ERC2: variants seen among roughly 807,000 people sequenced by gnomAD.
The protein encoded by ERC2 is ERC protein 2.
A neutral mutation model predicts 114.8 loss-of-function variants in ERC2; 42 were observed. The observed-to-expected ratio is 0.37, with a 90% confidence interval of 0.29 to 0.47. ERC2 has a LOEUF of 0.47. Ranked by LOEUF, ERC2 falls within the 20% of genes least tolerant of loss-of-function variation. ERC2 has a pLI of 0.99. For missense variants in ERC2, 939 were observed against 1,150.7 expected (o/e 0.82, Z 2.66); for synonymous variants, 454 against 425.5 (o/e 1.07, Z -0.82).
At chr3:55,606,330 C>T (rs2148546543) in intron 17 of ERC2, among the ~76,000 whole-genome samples, 1 of 152,268 alleles carries the variant, frequency 6.6e-6, no homozygotes, top group Admixed American at 6.5e-5. Flanking sequence ...CTCTGGATCT[C>T]ATGGTCTAAG....
At chr3:55,794,308 T>C (rs890960897) in intron 14 of ERC2, among the ~76,000 whole-genome samples, 7 of 152,226 alleles carry the variant, frequency 4.6e-5, no homozygotes, top group Admixed American at 3.9e-4. Flanking sequence ...TTTTATCCTG[T>C]TTCCCTTTTT....
intron 14 of ERC2, among the ~76,000 whole-genome samples, chr3:55,831,411 G>GGGAAGGGAA (rs2060575779): frequency 1.1e-5 from 1 of 89,584 alleles, no homozygotes; most frequent in East Asian, 4.2e-4. Flanking sequence ...GGGGAGGGAA[G>GGGAAGGGAA]GGGAGGGGAA....
chr3:55,718,002 C>G (rs1353031581), intron 15 of ERC2, among the ~76,000 whole-genome samples: 2 of 152,112 alleles, frequency 1.3e-5, no homozygotes, highest in South Asian at 4.2e-4. Flanking sequence ...AAGGAGATGT[C>G]GGGATAATTT....
intron 8 of ERC2, among the ~76,000 whole-genome samples, chr3:56,015,790 TCCAC>T (rs1252778286): frequency 6.6e-6 from 1 of 152,198 alleles, no homozygotes; most frequent in Non-Finnish European, 1.5e-5. Context: ...CACACTGTCT[TCCAC>T]AATGGTTGAA....
intron 2 of ERC2, among the ~76,000 whole-genome samples, chr3:56,382,457 T>G (rs568397599): frequency 5.9e-5 from 9 of 152,232 alleles, no homozygotes; most frequent in Admixed American, 2.6e-4. Flanking sequence ...AGAATCAAAC[T>G]TTCCCCCCAC....
chr3:56,257,959 T>C (rs1576125062), intron 3 of ERC2, among the ~76,000 whole-genome samples: 1 of 152,238 alleles, frequency 6.6e-6, no homozygotes, highest in Non-Finnish European at 1.5e-5. Flanking sequence ...CTTCTCTCTC[T>C]TCTGAATGCG....
intron 3 of ERC2, among the ~76,000 whole-genome samples, chr3:56,291,696 C>T (rs975259687): frequency 1.3e-5 from 2 of 152,104 alleles, no homozygotes; most frequent in African/African-American, 2.4e-5. Context: ...GAACCTAAAA[C>T]CTCAAGTACA....
intron 10 of ERC2, among the ~76,000 whole-genome samples, chr3:55,995,195 T>G (rs1005538694): frequency 6.6e-6 from 1 of 152,234 alleles, no homozygotes; most frequent in Non-Finnish European, 1.5e-5. Flanking sequence ...TAACTGGGCA[T>G]TGAGGCACAC....
chr3:55,601,677 A>G (rs572105346), intron 17 of ERC2, among the ~76,000 whole-genome samples: 16 of 152,272 alleles, frequency 1.1e-4, no homozygotes, highest in African/African-American at 3.6e-4. Context: ...AAGGATAAAG[A>G]GCCGGGGAGC....
chr3:55,917,546 A>G (rs1157935741), intron 13 of ERC2, among the ~76,000 whole-genome samples: 1 of 152,198 alleles, frequency 6.6e-6, no homozygotes, highest in Admixed American at 6.5e-5. Context: ...AGGCAAATCT[A>G]TAAACTATAT....
At chr3:55,529,521 G>A (rs1009891830) in intron 17 of ERC2, among the ~76,000 whole-genome samples, 2 of 152,142 alleles carry the variant, frequency 1.3e-5, no homozygotes, top group South Asian at 2.1e-4. Flanking sequence ...ATATATGCAA[G>A]ATAAAGAATT....
chr3:55,720,128 T>A, intron 15 of ERC2, among the ~76,000 whole-genome samples: 1 of 11,440 alleles, frequency 8.7e-5, no homozygotes, highest in African/African-American at 5.4e-4. Flanking sequence ...CTCCTTCTTC[T>A]TCCTCTTCTT....
intron 7 of ERC2, among the ~76,000 whole-genome samples, chr3:56,060,300 C>T (rs2076193236): frequency 6.6e-6 from 1 of 152,170 alleles, no homozygotes; most frequent in Non-Finnish European, 1.5e-5. Flanking sequence ...AGTTCAGTTA[C>T]CTACTGCTGC....
intron 3 of ERC2, among the ~76,000 whole-genome samples, chr3:56,280,179 A>G (rs2054256165): frequency 6.6e-6 from 1 of 152,182 alleles, no homozygotes; most frequent in Non-Finnish European, 1.5e-5. Context: ...GGGGGGTGCC[A>G]CAAGCCAAGG....
intron 17 of ERC2, among the ~76,000 whole-genome samples, chr3:55,680,511 G>C (rs1475565350): frequency 6.6e-6 from 1 of 152,198 alleles, no homozygotes; most frequent in Non-Finnish European, 1.5e-5. Flanking sequence ...ACATTAAGTG[G>C]ATTTTCCTGA....
At chr3:56,240,894 A>G (rs545472516) in intron 3 of ERC2, among the ~76,000 whole-genome samples, 121 of 152,268 alleles carry the variant, frequency 7.9e-4, no homozygotes, top group Middle Eastern at 3.4e-3. Flanking sequence ...TGTGATGCTG[A>G]GGTTTGGGTT....
At chr3:55,870,619 CCCCTGAAG>C (rs961540803) in intron 14 of ERC2, among the ~76,000 whole-genome samples, 2 of 152,102 alleles carry the variant, frequency 1.3e-5, no homozygotes, top group Admixed American at 1.3e-4. Flanking sequence ...GTCATTTGAT[CCCCTGAAG>C]CCTGGACACT....
rs2051985275 is a variant in ERC2 at position 55,510,219 on chromosome 3, T to C, written c.*1097A>G. On this transcript the variant is annotated 3_prime_UTR_variant, in exon 18 of 18. Transcript: ENST00000288221. ...TCCTCATTCATCAATGTTTTCATGT[T>C]TGATGCTGAAAATGCTTTGGAATCC... 1 of 152,578 alleles carries C rather than the reference T, an allele frequency of 6.6e-6. No homozygotes were observed. Among genetic ancestry groups the C allele is most frequent in the Admixed American group, 6.5e-5 (1 of 15,274 alleles). 9.5% of individuals were successfully genotyped at this position (152,578 alleles called of 1,614,324 possible).
intron 14 of ERC2, among the ~76,000 whole-genome samples, chr3:55,788,570 T>C (rs2069707364): frequency 6.6e-6 from 1 of 152,116 alleles, no homozygotes; most frequent in African/African-American, 2.4e-5. Context: ...ATTCGGATGA[T>C]ATAGAGGCAG....
Sources: allele counts gnomAD v4.1 joint callset (sites outside exome capture counted in the v4.1 genomes callset), GRCh38; gene constraint gnomAD v4.1.1; transcripts MANE v1.5; gene names NCBI Gene and HGNC (gene_info 2026-07-23, HGNC 2026-07-21).